The following IGSF11 variants were observed in gnomAD, a reference collection of about 807,000 sequenced individuals.
The protein encoded by IGSF11 is CXADR like 1.
A neutral mutation model predicts 41.0 loss-of-function variants in IGSF11; 22 were observed. The ratio of observed to expected loss-of-function variants is 0.54; its 90% confidence interval spans 0.38 to 0.77. The LOEUF is 0.77. IGSF11 is among the 30% of genes least tolerant of loss of function. IGSF11 has a pLI of 0.00. For missense variants in IGSF11, 444 were observed against 530.8 expected, an observed-to-expected ratio of 0.84 and a Z score of 1.61; for synonymous variants, 219 against 201.3, an observed-to-expected ratio of 1.09 and a Z score of -0.74.
At chr3:118,931,847 C>T (rs1942878920) in intron 1 of IGSF11, among the ~76,000 whole-genome samples, 1 of 151,876 alleles carries the variant, frequency 6.6e-6, no homozygotes, top group South Asian at 2.1e-4. Context: ...ATTCTCCTGC[C>T]TCAGCCTCCC....
rs554929411 is a variant in IGSF11, at chr3:119,063,619, T to C, written c.49+41525A>G. Among the ~76,000 whole-genome samples, 26 of 152,326 alleles carry C rather than the reference T, an allele frequency of 1.7e-4. No individual in the cohort carries two copies. The South Asian group carries it at 5.4e-3, about 32-fold the overall frequency. ...TAGCCAGGCTTCAAGATAGGGGACG[T>C]CTTACTTTTGTTGTGTTCTTGTTAT... On this transcript the variant is annotated intron_variant, in intron 1 of 6. Transcript: ENST00000354673.
intron 1 of IGSF11, chr3:118,945,067 G>C (rs1339832597): frequency 6.6e-6 from 1 of 152,116 alleles, no homozygotes; most frequent in Non-Finnish European, 1.5e-5. Context: ...ACATCTTTAA[G>C]AAAAGGCATA....
chr3:119,138,953 G>C (rs1307864672), intron 1 of IGSF11, among the ~76,000 whole-genome samples: 1 of 152,066 alleles, frequency 6.6e-6, no homozygotes, highest in African/African-American at 2.4e-5. Flanking sequence ...CCTAGTATTT[G>C]CTAGCACAAC....
At chr3:119,026,075 C>T (rs1939793472) in intron 1 of IGSF11, among the ~76,000 whole-genome samples, 1 of 152,154 alleles carries the variant, frequency 6.6e-6, no homozygotes, top group South Asian at 2.1e-4. Context: ...TCGAGACCAG[C>T]CTGACCAACA....
At chr3:118,944,745 T>C (rs1943987315) in intron 1 of IGSF11, 1 of 152,216 alleles carries the variant, frequency 6.6e-6, no homozygotes, top group Admixed American at 6.5e-5. Context: ...TGATGTTCAA[T>C]GTACTTGATG....
At chr3:118,930,386 C>A in intron 1 of IGSF11, 111 bp from the exon 2 acceptor site, 1 of 1,038,150 alleles carries the variant, frequency 9.6e-7, no homozygotes, top group Non-Finnish European at 1.3e-6. Context: ...ATTATGTGAA[C>A]AGACTGACAT....
intron 1 of IGSF11, among the ~76,000 whole-genome samples, chr3:119,045,835 C>T (rs567648129): frequency 2.6e-5 from 4 of 151,944 alleles, no homozygotes; most frequent in Admixed American, 1.3e-4. Flanking sequence ...GGTCCCTGAC[C>T]CCTGACCCCC....
chr3:118,973,417 G>C (rs1009088958), intron 1 of IGSF11, among the ~76,000 whole-genome samples: 1 of 152,142 alleles, frequency 6.6e-6, no homozygotes, highest in African/African-American at 2.4e-5. Flanking sequence ...GTAGAATTTG[G>C]TGACACCAGG....
intron 1 of IGSF11, among the ~76,000 whole-genome samples, chr3:118,936,175 A>G (rs1943260682): frequency 6.6e-6 from 1 of 152,148 alleles, no homozygotes; most frequent in Non-Finnish European, 1.5e-5. Context: ...TTGAAATTCT[A>G]GGCAAGAATT....
chr3:118,915,209 C>T (rs940214619), intron 4 of IGSF11, among the ~76,000 whole-genome samples: 8 of 138,168 alleles, frequency 5.8e-5, no homozygotes, highest in African/African-American at 1.8e-4. Context: ...CTCTCCTCCT[C>T]CAAAGGAACA....
intron 1 of IGSF11, among the ~76,000 whole-genome samples, chr3:119,095,332 G>A (rs576287368): frequency 6.6e-6 from 1 of 152,082 alleles, no homozygotes; most frequent in Non-Finnish European, 1.5e-5. Flanking sequence ...ACATACAAGG[G>A]TCAGAATTAA....
At chr3:118,932,680 G>T (rs900668957) in intron 1 of IGSF11, among the ~76,000 whole-genome samples, 3 of 152,134 alleles carry the variant, frequency 2.0e-5, no homozygotes, top group Non-Finnish European at 4.4e-5. Context: ...GGTAGAAATG[G>T]GTTAGAGAAT....
At chr3:119,007,865 C>G (rs776214586) in intron 1 of IGSF11, among the ~76,000 whole-genome samples, 1 of 152,142 alleles carries the variant, frequency 6.6e-6, no homozygotes, top group African/African-American at 2.4e-5. Context: ...TTTTTCTAGT[C>G]AAGCTGCCTA....
At chr3:118,903,547 C>A (rs1419294641) in intron 6 of IGSF11, among the ~76,000 whole-genome samples, 1 of 152,110 alleles carries the variant, frequency 6.6e-6, no homozygotes, top group African/African-American at 2.4e-5. Context: ...TTTGAGAAAT[C>A]ACTGTGGGGT....
At chr3:119,049,478 G>T (rs1013422006) in intron 1 of IGSF11, among the ~76,000 whole-genome samples, 1 of 152,094 alleles carries the variant, frequency 6.6e-6, no homozygotes, top group African/African-American at 2.4e-5. Flanking sequence ...ACTACAAACC[G>T]CTGTTCAAGG....
intron 1 of IGSF11, among the ~76,000 whole-genome samples, chr3:119,024,195 T>C (rs9847137): frequency 0.027 from 4,159 of 152,218 alleles, 176 homozygotes; most frequent in African/African-American, 0.095. Context: ...AATACACATA[T>C]TAATCAACAA....
chr3:118,986,158 C>A (rs1373086529), intron 1 of IGSF11, among the ~76,000 whole-genome samples: 4 of 152,148 alleles, frequency 2.6e-5, no homozygotes, highest in African/African-American at 7.2e-5. Context: ...AGCCACAGTT[C>A]AAAAATCCAT....
Position 119,005,299 on chromosome 3 carries a change from T to A in IGSF11, c.52+29232A>T, listed in dbSNP as rs1002532872. 2.5e-4 allele frequency among the ~76,000 whole-genome samples: 37 copies of A among 148,498 alleles called. No individual in the cohort carries two copies. The South Asian group carries it at 4.1e-3, about 17-fold the overall frequency. ...TAGGATTGCAACCCCTGCCTTTTTTTGTTTTCCATTTGCTTGGTAGATCTT... is the reference window on the plus strand; with the variant it reads ...TAGGATTGCAACCCCTGCCTTTTTTAGTTTTCCATTTGCTTGGTAGATCTT... On this transcript the variant is annotated intron_variant, in intron 1 of 6. Coordinates refer to ENST00000393775, the MANE Select transcript of IGSF11 (RefSeq NM_001015887.3).
chr3:119,081,910 C>T (rs895701317), intron 1 of IGSF11, among the ~76,000 whole-genome samples: 1 of 152,144 alleles, frequency 6.6e-6, no homozygotes, highest in Non-Finnish European at 1.5e-5. Context: ...AAGGTAAGCA[C>T]TGAGAATGAC....
Sources: gnomAD v4.1 joint callset for allele counts (sites outside exome capture counted in the v4.1 genomes callset) on GRCh38, gnomAD v4.1.1 for gene constraint, MANE v1.5 for transcripts, NCBI Gene and HGNC (gene_info 2026-07-23, HGNC 2026-07-21) for gene names.